Variants in TRIM27 observed in about 807,000 individuals in gnomAD.
TRIM27 encodes zinc finger protein RFP.
A neutral mutation model predicts 57.6 loss-of-function variants in TRIM27; 12 were observed. The observed-to-expected ratio is 0.21, with a 90% CI of 0.13 to 0.34. TRIM27 has a LOEUF of 0.34. Ranked by LOEUF, TRIM27 falls within the 10% of genes least tolerant of loss-of-function variation. The pLI, the probability that TRIM27 is intolerant of heterozygous loss-of-function variation, is 1.00. For synonymous variants in TRIM27, 266 were observed against 259.0 expected, an observed-to-expected ratio of 1.03 and a Z score of -0.26; for missense variants, 403 against 656.8, an observed-to-expected ratio of 0.61 and a Z score of 4.22.
intron 7 of TRIM27, 72 bp downstream of exon 7, chr6:28,907,164 T>C: frequency 7.2e-7 from 1 of 1,395,654 alleles, no homozygotes; most frequent in Non-Finnish European, 9.9e-7. Context: ...TTCCAAATCA[T>C]TCATAATAGT....
chr6:28,906,950 C>G (rs986964922), intron 7 of TRIM27: 1 of 416,866 alleles, frequency 2.4e-6, no homozygotes, highest in African/African-American at 2.1e-5. Flanking sequence ...ACTAGTGTAC[C>G]AGCTCTGTTC....
chr6:28,919,891 C>T lies in TRIM27; in HGVS notation c.747+121G>A, dbSNP rs1773893214. 4 of 904,272 alleles carry T rather than the reference C, an allele frequency of 4.4e-6. No individual in the cohort carries two copies. The South Asian group carries it at 7.2e-5, about 16-fold the overall frequency. The allele number at this position is 904,272 out of a possible 1,614,324, so 56.0% of individuals were successfully genotyped here. A position where few individuals can be genotyped will look rare whatever the true frequency, so the allele number is the denominator to read the frequency against. On this transcript the variant is annotated intron_variant, in intron 3 of 7. Coordinates refer to ENST00000377199, the MANE Select transcript of TRIM27 (RefSeq NM_006510.5). Reference sequence around the variant, plus strand: ...CCAAGGTGCACAATATAGAGTTTGGCAAGCTCTTGCTATTCCTGCAGAGTT... The same window carrying T: ...CCAAGGTGCACAATATAGAGTTTGGTAAGCTCTTGCTATTCCTGCAGAGTT...
At chr6:28,921,859 G>A (rs755067451) in intron 2 of TRIM27, 33 bp downstream of exon 2, 6 of 1,546,198 alleles carry the variant, frequency 3.9e-6, no homozygotes, top group Non-Finnish European at 5.4e-6. Flanking sequence ...GAGAGCACCA[G>A]CAGAACCAAC....
intron 3 of TRIM27, among the ~76,000 whole-genome samples, chr6:28,912,587 T>C (rs1773288996): frequency 6.6e-6 from 1 of 152,172 alleles, no homozygotes. Flanking sequence ...AGTTCATAGG[T>C]ATCATTCTTT....
rs1208235420 is a variant in TRIM27, at chr6:28,904,656, G to C, written c.956C>G (p.Thr319Ser). ...GGGGTAGGCCGTGTCTGGGTCCAGA[G>C]TCACGTCCACTGTAGAGACACAAGG... ...REAQLYSVDVTLDPDTAYPSL... is the reference protein window; with the variant it reads ...REAQLYSVDVSLDPDTAYPSL... Residue 319 changes from threonine (T) to serine (S), a missense_variant, in exon 8 of 8, where the codon ACT becomes AGT. Physicochemically the swap from Thr to Ser is moderately conservative, Grantham distance 58. Coordinates refer to ENST00000377199, the MANE Select transcript of TRIM27 (RefSeq NM_006510.5). This position sits in a 1 kb window ranked among gnomAD's most constrained non-coding sequence, Gnocchi z 6.1. 1 of 1,597,396 alleles carries C rather than the reference G, an allele frequency of 6.3e-7. No individual in the cohort carries two copies. The highest frequency in any genetic ancestry group is 1.7e-5 in the Admixed American group (1 of 59,942).
chr6:28,923,919 C>G lies in TRIM27; in HGVS notation c.-287G>C. 1 of 418,434 alleles carries G rather than the reference C, an allele frequency of 2.4e-6. No homozygotes were observed. The highest frequency in any genetic ancestry group is 4.2e-6 in the Non-Finnish European group (1 of 236,754). 25.9% of individuals were successfully genotyped at this position (418,434 alleles called of 1,614,324 possible). A position where few individuals can be genotyped will look rare whatever the true frequency, so the allele number is the denominator to read the frequency against. On this transcript the variant is annotated 5_prime_UTR_variant, in exon 1 of 8. Coordinates refer to ENST00000377199, the MANE Select transcript of TRIM27 (RefSeq NM_006510.5). ...GAAAGGGTAGCCGAGGGTCAGAGTC[C>G]CAGGGCCAGGCGGGCAAAGCGCGCA...
intron 3 of TRIM27, among the ~76,000 whole-genome samples, chr6:28,918,839 G>T (rs1319088695): frequency 6.6e-6 from 1 of 151,712 alleles, no homozygotes; most frequent in Non-Finnish European, 1.5e-5. Flanking sequence ...TCGCACCACT[G>T]CACTCCAGCC....
At chr6:28,914,932 A>T (rs1197412341) in intron 3 of TRIM27, 3 of 151,500 alleles carry the variant, frequency 2.0e-5, no homozygotes, top group African/African-American at 7.3e-5. Context: ...CTCTTCTAAT[A>T]TGTCTTCTAG....
chr6:28,923,974 C>G lies in TRIM27; in HGVS notation c.-342G>C, dbSNP rs1774287300. 2 of 337,696 alleles carry G rather than the reference C, an allele frequency of 5.9e-6. No homozygotes were observed. Among genetic ancestry groups the G allele is most frequent in the Admixed American group, 4.7e-5 (1 of 21,066 alleles). 20.9% of individuals were successfully genotyped at this position (337,696 alleles called of 1,614,324 possible). Reference sequence around the variant, plus strand: ...AACGTGGCCGCGTCCGAGCGGATGCCGGCGGCAGCGTAAACCCCACCCCAG... The same window carrying G: ...AACGTGGCCGCGTCCGAGCGGATGCGGGCGGCAGCGTAAACCCCACCCCAG... On this transcript the variant is annotated 5_prime_UTR_variant, in exon 1 of 8. Coordinates refer to ENST00000377199, the MANE Select transcript of TRIM27 (RefSeq NM_006510.5).
intron 3 of TRIM27, among the ~76,000 whole-genome samples, chr6:28,912,003 T>C (rs974904637): frequency 1.3e-5 from 2 of 152,196 alleles, no homozygotes; most frequent in Admixed American, 6.5e-5. Flanking sequence ...AAGCGTCCTA[T>C]GATTGGACCT....
rs924786106 is a variant in TRIM27 at position 28,923,863 on chromosome 6, A to G, written c.-231T>C. On this transcript the variant is annotated 5_prime_UTR_variant, in exon 1 of 8. Coordinates refer to ENST00000377199, the MANE Select transcript of TRIM27 (RefSeq NM_006510.5). ...GCGAGAGCGGGAATACGGCCGGCTC[A>G]CCGAGGCTCGCGGCCACGCTAGTGG... is the stretch of plus-strand genomic sequence containing the variant. 2 of 508,102 alleles carry G rather than the reference A, an allele frequency of 3.9e-6. No homozygotes were observed. The highest frequency in any genetic ancestry group is 2.0e-5 in the African/African-American group (1 of 49,338). The allele number at this position is 508,102 out of a possible 1,614,324, so 31.5% of individuals were successfully genotyped here. A position where few individuals can be genotyped will look rare whatever the true frequency, so the allele number is the denominator to read the frequency against.
chr6:28,914,301 A>T (rs1773439295), intron 3 of TRIM27, among the ~76,000 whole-genome samples: 1 of 151,268 alleles, frequency 6.6e-6, no homozygotes, highest in African/African-American at 2.4e-5. Flanking sequence ...CACCTGGCTA[A>T]TTTTTGTATT....
chr6:28,907,061 G>A, intron 7 of TRIM27, 175 bp downstream of exon 7: 1 of 585,012 alleles, frequency 1.7e-6, no homozygotes, highest in Non-Finnish European at 3.0e-6. Context: ...AGGAGGCAAA[G>A]ATACTGTTAA....
Position 28,923,759 on chromosome 6 carries a change from C to G in TRIM27, c.-127G>C. On this transcript the variant is annotated 5_prime_UTR_variant, in exon 1 of 8. Coordinates refer to ENST00000377199, the MANE Select transcript of TRIM27 (RefSeq NM_006510.5). ...ACCGGGCGGACGGAGGGCGGCGCCT[C>G]CCGGGCCCGTATCCCAGACGCGCCC... is the stretch of plus-strand genomic sequence containing the variant. 1 of 1,106,302 alleles carries G rather than the reference C, an allele frequency of 9.0e-7. No homozygotes were observed. The highest frequency in any genetic ancestry group is 1.2e-6 in the Non-Finnish European group (1 of 804,414). 68.5% of individuals were successfully genotyped at this position (1,106,302 alleles called of 1,614,324 possible). A position where few individuals can be genotyped will look rare whatever the true frequency, so the allele number is the denominator to read the frequency against.
Position 28,904,148 on chromosome 6 carries a change from G to A in TRIM27, c.1464C>T (p.Ile488=), listed in dbSNP as rs745579378. ...CATCTATCCCACTCATGGGGCAGAT[G>A]ATCAGAGGAGCTGCACTTTTCCCTC... The part of the protein sequence containing the change: ...YSGGKSAAPL[I]ICPMSGIDGF... The change falls in exon 8 of 8, where the codon ATC becomes ATT. Residue 488 remains isoleucine, a synonymous_variant. Coordinates refer to ENST00000377199, the MANE Select transcript of TRIM27 (RefSeq NM_006510.5). The surrounding 1 kb of genome is among the most constrained non-coding windows in gnomAD (Gnocchi z 6.1). 2 of 1,612,968 alleles carry A rather than the reference G, an allele frequency of 1.2e-6. No individual in the cohort carries two copies. Among genetic ancestry groups the A allele is most frequent in the Non-Finnish European group, 1.7e-6 (2 of 1,180,036 alleles).
In TRIM27 at chr6:28,923,522, G is replaced by A; in HGVS notation, c.111C>T (p.Cys37=). The A allele has an allele frequency of 6.2e-7, 1 of 1,611,802 alleles. No individual in the cohort carries two copies. The highest frequency in any genetic ancestry group is 1.3e-5 in the African/African-American group (1 of 75,050). ...MMLDCGHNIC[C]ACLARCWGTA... ...TGCCCCAGCAGCGGGCGAGGCACGC[G>A]CAACAGATGTTATGGCCGCAGTCGA... Residue 37 remains cysteine (C), a synonymous_variant, in exon 1 of 8, where the codon TGC becomes TGT. Transcript: ENST00000377199.
In TRIM27 at chr6:28,905,042, A is replaced by G. The variant is rs568257693; in HGVS notation, c.947-377T>C. On this transcript the variant is annotated intron_variant, in intron 7 of 7. Transcript: ENST00000377199. ...ATTCTCCCGCCTAAGACACCCAAGT[A>G]GCTGGGACCATAGGTGTGCACTACC... 2.7e-5 allele frequency: 6 copies of G among 219,032 alleles called. No homozygotes were observed. The East Asian group carries it at 5.7e-4, about 21-fold the overall frequency. 13.6% of individuals were successfully genotyped at this position (219,032 alleles called of 1,614,324 possible).
In TRIM27 at chr6:28,908,812, G is replaced by A. The variant is rs754106416; in HGVS notation, c.915C>T (p.Ile305=). The change falls in exon 6 of 8, where the codon ATC becomes ATT. Residue 305 remains isoleucine, a synonymous_variant. Transcript: ENST00000377199. ...CCAGTAGGTAGATAAATTTACCTTG[G>A]ATTTTCTCCATATCTGACTGCATTT... ...TEKMQSDMEK[I]QELREAQLYS... 11 of 1,613,572 alleles carry A rather than the reference G, an allele frequency of 6.8e-6. No homozygotes were observed. In the South Asian group the frequency reaches 9.9e-5, roughly 15 times the overall value.
At chr6:28,905,402 C>T (rs1772695122) in intron 7 of TRIM27, 1 of 152,184 alleles carries the variant, frequency 6.6e-6, no homozygotes, top group African/African-American at 2.4e-5. Context: ...AACAGTACCA[C>T]ATAAATTCAG....
Sources: allele counts gnomAD v4.1 joint callset (sites outside exome capture counted in the v4.1 genomes callset), GRCh38; gene constraint gnomAD v4.1.1; non-coding constraint Gnocchi (gnomAD v3.1); transcripts MANE v1.5; gene names NCBI Gene and HGNC (gene_info 2026-07-23, HGNC 2026-07-21).